Variants in LSM14A observed in about 807,000 individuals in gnomAD.
The protein encoded by LSM14A is LSM14A mRNA processing body assembly factor.
In LSM14A, 14 loss-of-function variants were observed where a neutral mutation model predicts 52.4. The ratio of observed to expected loss-of-function variants is 0.27; its 90% CI spans 0.18 to 0.42. The LOEUF is 0.42. Among genes scored for constraint, LSM14A ranks in the 10% least tolerant of loss-of-function variants. The pLI is 1.00. For synonymous variants in LSM14A, 185 were observed against 200.3 expected (o/e 0.92, Z 0.64); for missense variants, 417 against 581.8 (o/e 0.72, Z 2.91).
chr19:34,198,386 G>C (rs544505534), intron 3 of LSM14A, among the ~76,000 whole-genome samples: 1 of 152,180 alleles, frequency 6.6e-6, no homozygotes, highest in Admixed American at 6.5e-5. Flanking sequence ...GGAGGCTGTG[G>C]GCGGATCACC....
chr19:34,223,581 G>C (rs2073182193), intron 9 of LSM14A, among the ~76,000 whole-genome samples: 1 of 152,222 alleles, frequency 6.6e-6, no homozygotes, highest in African/African-American at 2.4e-5. Context: ...AGGTATCCAT[G>C]ATTGTGGCCT....
At chr19:34,182,253 T>A (rs2069535565) in intron 1 of LSM14A, among the ~76,000 whole-genome samples, 1 of 152,192 alleles carries the variant, frequency 6.6e-6, no homozygotes, top group South Asian at 2.1e-4. Context: ...CAAATTTTCT[T>A]AGTGAACCTA....
intron 6 of LSM14A, 126 bp from the exon 7 acceptor site, chr19:34,219,265 T>C (rs1291876321): frequency 3.8e-6 from 2 of 520,552 alleles, no homozygotes; most frequent in Non-Finnish European, 6.8e-6. Context: ...TACAATAAAA[T>C]ATATAGAGAG....
chr19:34,220,789 G>T (rs1265709334), intron 8 of LSM14A, among the ~76,000 whole-genome samples: 1 of 152,120 alleles, frequency 6.6e-6, no homozygotes, highest in Non-Finnish European at 1.5e-5. Flanking sequence ...CATAGATTGG[G>T]CCAGGAACAT....
At chr19:34,200,076 A>T (rs1185629308) in intron 3 of LSM14A, among the ~76,000 whole-genome samples, 1 of 152,234 alleles carries the variant, frequency 6.6e-6, no homozygotes, top group East Asian at 1.9e-4. Context: ...GGGGCAAAAC[A>T]TAATATCACC....
At chr19:34,198,087 C>A (rs1380669196) in intron 3 of LSM14A, among the ~76,000 whole-genome samples, 1 of 151,074 alleles carries the variant, frequency 6.6e-6, no homozygotes, top group Non-Finnish European at 1.5e-5. Flanking sequence ...AGCTTTAAAT[C>A]TCAAGCTTTT....
intron 1 of LSM14A, among the ~76,000 whole-genome samples, chr19:34,176,593 T>A (rs1281958973): frequency 6.6e-6 from 1 of 152,224 alleles, no homozygotes; most frequent in Non-Finnish European, 1.5e-5. Flanking sequence ...TAGGATTGTG[T>A]TGTATATATT....
At chr19:34,176,499 C>G (rs1195258919) in intron 1 of LSM14A, among the ~76,000 whole-genome samples, 1 of 152,156 alleles carries the variant, frequency 6.6e-6, no homozygotes, top group Non-Finnish European at 1.5e-5. Context: ...TATAAATGTT[C>G]TTCTGACATT....
chr19:34,207,983 G>A (rs1449703186), intron 3 of LSM14A, among the ~76,000 whole-genome samples: 2 of 152,170 alleles, frequency 1.3e-5, no homozygotes, highest in Admixed American at 1.3e-4. Context: ...ATTGCAAGGG[G>A]CATGATTGTA....
At chr19:34,192,871 C>G (rs1022771026) in intron 1 of LSM14A, among the ~76,000 whole-genome samples, 1 of 151,582 alleles carries the variant, frequency 6.6e-6, no homozygotes, top group Non-Finnish European at 1.5e-5. Flanking sequence ...CCCAGCTGCT[C>G]AGGAGGCTGA....
intron 4 of LSM14A, 30 bp from the exon 5 acceptor site, chr19:34,215,094 G>T: frequency 6.4e-7 from 1 of 1,569,280 alleles, no homozygotes; most frequent in Non-Finnish European, 8.6e-7. Context: ...CCCCAATAGG[G>T]TAGTTTGTTA....
At chr19:34,200,134 G>A (rs1185187357) in intron 3 of LSM14A, among the ~76,000 whole-genome samples, 1 of 152,134 alleles carries the variant, frequency 6.6e-6, no homozygotes, top group African/African-American at 2.4e-5. Flanking sequence ...TGAAGAAATG[G>A]GCTTATATAT....
Position 34,177,887 on chromosome 19 carries a change from A to T in LSM14A, c.121+5124A>T, listed in dbSNP as rs552751438. 3.9e-4 allele frequency among the ~76,000 whole-genome samples: 60 copies of T among 152,242 alleles called. No individual in the cohort carries two copies. In the South Asian group the frequency reaches 4.1e-3, roughly 11 times the overall value. ...ATAGAACAAGACCTTGTCTTAAAAA[A>T]TAACAATGATAGCCTGTAATCCCAG... On this transcript the variant is annotated intron_variant, in intron 1 of 9. Transcript: ENST00000544216.
At chr19:34,214,636 T>C (rs1341374099) in intron 4 of LSM14A, among the ~76,000 whole-genome samples, 2 of 152,172 alleles carry the variant, frequency 1.3e-5, no homozygotes, top group African/African-American at 4.8e-5. Flanking sequence ...AGAAATTTAA[T>C]GGAGTTAATA....
intron 4 of LSM14A, among the ~76,000 whole-genome samples, chr19:34,213,130 A>C (rs1002050400): frequency 1.3e-5 from 2 of 152,258 alleles, no homozygotes; most frequent in East Asian, 1.9e-4. Context: ...CAGCCAGAGC[A>C]ACAGAACAAG....
At chr19:34,207,169 G>A (rs1301390037) in intron 3 of LSM14A, among the ~76,000 whole-genome samples, 1 of 152,182 alleles carries the variant, frequency 6.6e-6, no homozygotes, top group Admixed American at 6.5e-5. Flanking sequence ...AGTAGAGCGA[G>A]GGGGGTGTGG....
chr19:34,177,450 A>G (rs558810411), intron 1 of LSM14A, among the ~76,000 whole-genome samples: 1 of 152,326 alleles, frequency 6.6e-6, no homozygotes, highest in East Asian at 1.9e-4. Flanking sequence ...CTTGGATATT[A>G]TAATTTAAAT....
chr19:34,189,702 G>A (rs187405550), intron 1 of LSM14A, among the ~76,000 whole-genome samples: 10 of 152,260 alleles, frequency 6.6e-5, no homozygotes, highest in African/African-American at 2.4e-4. Flanking sequence ...TCTGAGGTAT[G>A]CCTTCCTGCA....
At chr19:34,221,801 T>G in intron 9 of LSM14A, 63 bp downstream of exon 9, 1 of 1,532,062 alleles carries the variant, frequency 6.5e-7, no homozygotes, top group East Asian at 2.3e-5. Context: ...TCAAAACATT[T>G]TTACTTGTTT....
Sources: gnomAD v4.1 joint callset for allele counts (sites outside exome capture counted in the v4.1 genomes callset) on GRCh38, gnomAD v4.1.1 for gene constraint, MANE v1.5 for transcripts, NCBI Gene and HGNC (gene_info 2026-07-23, HGNC 2026-07-21) for gene names.